The following SLC39A14 variants were observed in gnomAD, a reference collection of about 807,000 sequenced individuals.
The protein encoded by SLC39A14 is metal cation symporter ZIP14.
A neutral mutation model predicts 45.5 loss-of-function variants in SLC39A14; 19 were observed. The ratio of observed to expected loss-of-function variants is 0.42; its 90% CI spans 0.29 to 0.61. The LOEUF is 0.61. SLC39A14 is among the 20% of genes least tolerant of loss of function. The probability of loss-of-function intolerance (pLI) is 0.22; values close to 1 mark genes in which losing one functional copy is unlikely to be tolerated. For synonymous variants in SLC39A14, 264 were observed against 251.3 expected, an observed-to-expected ratio of 1.05 and a Z score of -0.48; for missense variants, 447 against 616.5, an observed-to-expected ratio of 0.73 and a Z score of 2.91.
intron 2 of SLC39A14, among the ~76,000 whole-genome samples, chr8:22,406,821 T>G (rs7828089): frequency 0.56 from 85,726 of 151,974 alleles, 25,096 homozygotes; most frequent in African/African-American, 0.73. Flanking sequence ...TGCGTGAGCC[T>G]CAGGACCCGC....
Position 22,404,901 on chromosome 8 carries a change from C to T in SLC39A14, c.191C>T (p.Ala64Val), listed in dbSNP as rs1459076396. Reference protein sequence around the residue: ...GDSLTLQQLKALLNHLDVGVG... With the variant: ...GDSLTLQQLKVLLNHLDVGVG... ...AGCCTCACTCTGCAGCAGCTGAAGG[C>T]CCTACTCAACCACCTGGATGTGGGA... The change falls in exon 2 of 9, where the codon GCC becomes GTC. Residue 64 changes from alanine (A) to valine (V), a missense_variant. Physicochemically the swap from Ala to Val is moderately conservative, Grantham distance 64. Transcript: ENST00000381237. 5 of 1,614,070 alleles carry T rather than the reference C, an allele frequency of 3.1e-6. No homozygotes were observed. The highest frequency in any genetic ancestry group is 4.2e-6 in the Non-Finnish European group (5 of 1,180,026).
Position 22,421,376 on chromosome 8 carries a change from T to TA in SLC39A14, c.*1679dup, listed in dbSNP as rs1470729754. 4 of 985,816 alleles carry TA rather than the reference T, an allele frequency of 4.1e-6. No homozygotes were observed. Among genetic ancestry groups the TA allele is most frequent in the Non-Finnish European group, 4.8e-6 (4 of 829,956 alleles). The allele number at this position is 985,816 out of a possible 1,614,324, so 61.1% of individuals were successfully genotyped here. On this transcript the variant is annotated 3_prime_UTR_variant, in exon 9 of 9. Coordinates refer to ENST00000381237, the MANE Select transcript of SLC39A14 (RefSeq NM_001128431.4). ...CGTGAGCAGGAAAAACTGCTGGTGA[T>TA]ACTTTTTTTAAGTTTTGTTTTTATC... is the stretch of plus-strand genomic sequence containing the variant.
In SLC39A14 at chr8:22,372,634, C is replaced by G. The variant is rs559512567; in HGVS notation, c.-16+5226C>G. On this transcript the variant is annotated intron_variant, in intron 1 of 8. Transcript: ENST00000381237. ...AACAGCCATGTTCGGAATCCAGTTA[C>G]TGCTTTTATGTACATACCTAGTTTA... is the stretch of plus-strand genomic sequence containing the variant. Among the ~76,000 whole-genome samples, 3 of 152,328 alleles carry G rather than the reference C, an allele frequency of 2.0e-5. No individual in the cohort carries two copies. The East Asian group carries it at 5.8e-4, about 29-fold the overall frequency.
At chr8:22,401,134 A>G (rs1586704750) in intron 1 of SLC39A14, among the ~76,000 whole-genome samples, 2 of 152,352 alleles carry the variant, frequency 1.3e-5, no homozygotes, top group South Asian at 2.1e-4. Flanking sequence ...ACTGAAGGCC[A>G]TGATAAGCTG....
downstream of SLC39A14, among the ~76,000 whole-genome samples, chr8:22,424,954 G>A (rs932534507): frequency 2.7e-5 from 4 of 149,084 alleles, no homozygotes; most frequent in South Asian, 2.1e-4. Context: ...ACTTGAACCC[G>A]GGAGGCAGAG....
At chr8:22,384,512 C>T (rs1833679513) in intron 1 of SLC39A14, among the ~76,000 whole-genome samples, 1 of 151,414 alleles carries the variant, frequency 6.6e-6, no homozygotes, top group African/African-American at 2.4e-5. Flanking sequence ...CTTTGAGAGG[C>T]CAAGGTCGAC....
intron 3 of SLC39A14, chr8:22,410,246 T>A: frequency 1.1e-6 from 1 of 920,108 alleles, no homozygotes; most frequent in Admixed American, 2.2e-5. Flanking sequence ...GTCCCTCGTA[T>A]CAAAGCCACA....
chr8:22,424,428 C>T (rs1157696141), downstream of SLC39A14, among the ~76,000 whole-genome samples: 1 of 152,144 alleles, frequency 6.6e-6, no homozygotes, highest in Non-Finnish European at 1.5e-5. Context: ...CCTGTTAGTC[C>T]TTCCTTTGTT....
rs545124953 is a variant in SLC39A14 at position 22,374,992 on chromosome 8, C to T, written c.-16+7584C>T. On this transcript the variant is annotated intron_variant, in intron 1 of 8. Transcript: ENST00000381237. Reference sequence around the variant, plus strand: ...AACTCCTGACCTCAAGTGATCCACCCGCCTTGGCCTCCCAGAGTGCTGGGA... The same window carrying T: ...AACTCCTGACCTCAAGTGATCCACCTGCCTTGGCCTCCCAGAGTGCTGGGA... Among the ~76,000 whole-genome samples, 10 of 151,884 alleles carry T rather than the reference C, an allele frequency of 6.6e-5. No homozygotes were observed. The South Asian group carries it at 1.5e-3, about 22-fold the overall frequency.
chr8:22,426,646 C>G (rs1836391926), downstream of SLC39A14, among the ~76,000 whole-genome samples: 1 of 152,126 alleles, frequency 6.6e-6, no homozygotes, highest in South Asian at 2.1e-4. Context: ...GGCTCCTGAA[C>G]AAGGAGTTTT....
downstream of SLC39A14, among the ~76,000 whole-genome samples, chr8:22,425,888 TG>T (rs796906969): frequency 3.2e-4 from 41 of 126,352 alleles, 1 homozygote; most frequent in South Asian, 2.3e-3. Context: ...AGATGGTTTT[TG>T]TTTTTTTTTT....
chr8:22,416,118 C>A lies in SLC39A14; in HGVS notation c.985C>A (p.Arg329Ser). The change falls in exon 7 of 9, where the codon CGC becomes AGC. Residue 329 changes from arginine to serine, a missense_variant. By Grantham distance (110) the Arg-to-Ser change is moderately radical. Transcript: ENST00000381237. ...TGCTTGCTACTGGCTGAAAGGTGTC[C>A]GCTACTCTGATATCGGCACTCTGGC... is the stretch of plus-strand genomic sequence containing the variant. ...QSACYWLKGVRYSDIGTLAWM... is the reference protein window; with the variant it reads ...QSACYWLKGVSYSDIGTLAWM... 1 of 1,614,074 alleles carries A rather than the reference C, an allele frequency of 6.2e-7. No homozygotes were observed. Among genetic ancestry groups the A allele is most frequent in the Non-Finnish European group, 8.5e-7 (1 of 1,180,020 alleles).
intron 1 of SLC39A14, among the ~76,000 whole-genome samples, chr8:22,398,056 C>T (rs1054218675): frequency 1.3e-5 from 2 of 152,130 alleles, no homozygotes; most frequent in East Asian, 1.9e-4. Context: ...AAGACAGCTG[C>T]GGGGACGTCT....
intron 1 of SLC39A14, among the ~76,000 whole-genome samples, chr8:22,386,144 T>C (rs1479121249): frequency 6.6e-6 from 1 of 151,998 alleles, no homozygotes; most frequent in Non-Finnish European, 1.5e-5. Context: ...GGTTTCATTA[T>C]ATGTTGGCCA....
rs776941113 is a variant in SLC39A14, at chr8:22,410,065, C to T, written c.457+1569C>T. ...CCGTGTGCTCACTTACTTCATCGCC[C>T]TGTCCATTGGAACGCTGCTGTCTAA... is the stretch of plus-strand genomic sequence containing the variant. On this transcript the variant is annotated intron_variant, in intron 3 of 8. Coordinates refer to ENST00000381237, the MANE Select transcript of SLC39A14 (RefSeq NM_001128431.4). The T allele has an allele frequency of 6.2e-6, 10 of 1,614,052 alleles. No homozygotes were observed. In the Middle Eastern group the frequency reaches 4.9e-4, roughly 80 times the overall value.
intron 3 of SLC39A14, among the ~76,000 whole-genome samples, chr8:22,410,461 A>G (rs556117110): frequency 1.3e-5 from 2 of 151,250 alleles, no homozygotes; most frequent in Admixed American, 6.5e-5. Flanking sequence ...TACTTGCTCT[A>G]TTCTAAGGAG....
At chr8:22,431,527 T>C (rs1473690411) in intron 8 of SLC39A14, among the ~76,000 whole-genome samples, 2 of 152,218 alleles carry the variant, frequency 1.3e-5, no homozygotes, top group African/African-American at 4.8e-5. Flanking sequence ...ATTAAAAGTG[T>C]TCATAATTAT....
chr8:22,422,699 C>G lies in SLC39A14; in HGVS notation c.*3001C>G, dbSNP rs1836296304. ...AATTGTTGAGAATCCCACGGGTGATCATTTGCAATAAATGTGGATGTAATG... is the reference window on the plus strand; with the variant it reads ...AATTGTTGAGAATCCCACGGGTGATGATTTGCAATAAATGTGGATGTAATG... On this transcript the variant is annotated 3_prime_UTR_variant, in exon 9 of 9. Transcript: ENST00000381237. The G allele has an allele frequency of 2.0e-6, 2 of 985,212 alleles. No homozygotes were observed. The highest frequency in any genetic ancestry group is 4.7e-5 in the South Asian group (1 of 21,280). 61.0% of individuals were successfully genotyped at this position (985,212 alleles called of 1,614,324 possible). A position where few individuals can be genotyped will look rare whatever the true frequency, so the allele number is the denominator to read the frequency against.
At chr8:22,405,325 C>G (rs1835149668) in intron 2 of SLC39A14, among the ~76,000 whole-genome samples, 1 of 152,148 alleles carries the variant, frequency 6.6e-6, no homozygotes, top group South Asian at 2.1e-4. Flanking sequence ...TCAGCCTGGC[C>G]AACATGGTGA....
Sources: gnomAD v4.1 joint callset for allele counts (sites outside exome capture counted in the v4.1 genomes callset) on GRCh38, gnomAD v4.1.1 for gene constraint, MANE v1.5 for transcripts, NCBI Gene and HGNC (gene_info 2026-07-23, HGNC 2026-07-21) for gene names.